TASP1: variants seen among roughly 807,000 people sequenced by gnomAD.
TASP1 encodes threonine aspartase 1.
A neutral mutation model predicts 56.6 loss-of-function variants in TASP1; 16 were observed. The observed-to-expected ratio is 0.28, with a 90% CI of 0.19 to 0.43. TASP1 has a LOEUF of 0.43. Ranked by LOEUF, TASP1 falls within the 20% of genes least tolerant of loss-of-function variation. TASP1 has a pLI of 1.00. For missense variants in TASP1, 393 were observed against 511.6 expected, an observed-to-expected ratio of 0.77 and a Z score of 2.24; for synonymous variants, 179 against 184.2, an observed-to-expected ratio of 0.97 and a Z score of 0.23.
chr20:13,559,436 T>G (rs1171825546), intron 7 of TASP1, among the ~76,000 whole-genome samples: 1 of 152,090 alleles, frequency 6.6e-6, no homozygotes, highest in Non-Finnish European at 1.5e-5. Flanking sequence ...GAGACGAAAC[T>G]TGGGCACAAT....
the TASP1 span, among the ~76,000 whole-genome samples, chr20:13,371,018 C>T: frequency 6.6e-6 from 1 of 151,974 alleles, no homozygotes; most frequent in African/African-American, 2.4e-5. Flanking sequence ...AGTATCATCC[C>T]CTCTTCTATT....
At chr20:13,462,525 T>G (rs1450477662) in intron 11 of TASP1, among the ~76,000 whole-genome samples, 1 of 152,162 alleles carries the variant, frequency 6.6e-6, no homozygotes, top group Non-Finnish European at 1.5e-5. Context: ...CTTTCCCACA[T>G]ATCTGCCAAG....
At chr20:13,210,236 T>A in the TASP1 span, among the ~76,000 whole-genome samples, 1 of 152,210 alleles carries the variant, frequency 6.6e-6, no homozygotes, top group African/African-American at 2.4e-5. Flanking sequence ...CAGTAAAATT[T>A]GTTTATCCAT....
intron 10 of TASP1, among the ~76,000 whole-genome samples, chr20:13,521,911 T>G (rs778638712): frequency 2.0e-5 from 3 of 152,162 alleles, no homozygotes; most frequent in Non-Finnish European, 4.4e-5. Context: ...AAATGTTGGC[T>G]GAAGGAAGAA....
the TASP1 span, among the ~76,000 whole-genome samples, chr20:13,221,116 C>G: frequency 7.9e-5 from 12 of 151,752 alleles, no homozygotes; most frequent in African/African-American, 2.2e-4. Context: ...CCCCGAGGAG[C>G]GCGGAGAGTA....
the TASP1 span, among the ~76,000 whole-genome samples, chr20:13,113,279 G>C: frequency 6.6e-6 from 1 of 152,132 alleles, no homozygotes; most frequent in Non-Finnish European, 1.5e-5. Flanking sequence ...CCTACTTTTC[G>C]GAGGTATATT....
At chr20:13,408,664 A>C (rs1042657480) in intron 13 of TASP1, among the ~76,000 whole-genome samples, 1 of 152,184 alleles carries the variant, frequency 6.6e-6, no homozygotes, top group Non-Finnish European at 1.5e-5. Flanking sequence ...GCTTATAGAA[A>C]TTCAATTTCT....
chr20:13,281,667 T>G, the TASP1 span, among the ~76,000 whole-genome samples: 1 of 152,078 alleles, frequency 6.6e-6, no homozygotes, highest in Admixed American at 6.5e-5. Context: ...GCACACCACT[T>G]AGGACAGTAG....
intron 1 of TASP1, among the ~76,000 whole-genome samples, chr20:13,630,585 G>C (rs2049046167): frequency 6.6e-6 from 1 of 150,472 alleles, no homozygotes; most frequent in Non-Finnish European, 1.5e-5. Context: ...AGCTACGCAG[G>C]AGGCTGAGGC....
chr20:13,262,246 C>T, the TASP1 span, among the ~76,000 whole-genome samples: 1 of 152,136 alleles, frequency 6.6e-6, no homozygotes, highest in Non-Finnish European at 1.5e-5. Context: ...GGATGGAAGC[C>T]CCCTGGTGGC....
At chr20:13,420,680 G>A (rs2042403943) in intron 12 of TASP1, among the ~76,000 whole-genome samples, 1 of 152,156 alleles carries the variant, frequency 6.6e-6, no homozygotes, top group Admixed American at 6.5e-5. Flanking sequence ...GCAGGACAAG[G>A]AGCAGCTAAC....
the TASP1 span, among the ~76,000 whole-genome samples, chr20:13,160,441 T>C: frequency 6.6e-6 from 1 of 152,226 alleles, no homozygotes; most frequent in Admixed American, 6.5e-5. Context: ...TGGTCTAAAA[T>C]GCTGTTTTAG....
the TASP1 span, among the ~76,000 whole-genome samples, chr20:13,366,473 C>G: frequency 6.6e-6 from 1 of 152,246 alleles, no homozygotes; most frequent in Admixed American, 6.5e-5. Flanking sequence ...TAATTTCTAC[C>G]TTTTATCTAT....
At chr20:13,320,257 A>G in the TASP1 span, among the ~76,000 whole-genome samples, 4 of 152,200 alleles carry the variant, frequency 2.6e-5, no homozygotes, top group Non-Finnish European at 5.9e-5. Flanking sequence ...GTGTGAGTTG[A>G]GCAAAAATAC....
At chr20:13,530,066 T>C (rs2045161483) in intron 9 of TASP1, among the ~76,000 whole-genome samples, 1 of 152,200 alleles carries the variant, frequency 6.6e-6, no homozygotes, top group African/African-American at 2.4e-5. Context: ...ACAGCTATTT[T>C]AGTTCTCTTT....
At chr20:13,279,577 A>T in the TASP1 span, 1 of 1,540,366 alleles carries the variant, frequency 6.5e-7, no homozygotes, top group Non-Finnish European at 8.8e-7. Flanking sequence ...TCCAAGGGTC[A>T]TGTAGCTTGG....
the TASP1 span, among the ~76,000 whole-genome samples, chr20:13,356,522 T>G: frequency 6.6e-6 from 1 of 152,256 alleles, no homozygotes; most frequent in South Asian, 2.1e-4. Context: ...ACTTGAATGT[T>G]GGCCCCAAGA....
chr20:13,322,353 C>T, the TASP1 span, among the ~76,000 whole-genome samples: 1 of 152,136 alleles, frequency 6.6e-6, no homozygotes, highest in South Asian at 2.1e-4. Context: ...ACACTCCCAC[C>T]CTCTTTTCTT....
chr20:13,316,275 T>C, the TASP1 span, among the ~76,000 whole-genome samples: 2 of 151,960 alleles, frequency 1.3e-5, no homozygotes, highest in Non-Finnish European at 2.9e-5. Flanking sequence ...GGTCTATATC[T>C]ATTAAGGAAA....
Sources: allele counts gnomAD v4.1 joint callset (sites outside exome capture counted in the v4.1 genomes callset), GRCh38; gene constraint gnomAD v4.1.1; transcripts MANE v1.5; gene names NCBI Gene and HGNC (gene_info 2026-07-23, HGNC 2026-07-21).